Variants in GAB4 observed in about 807,000 individuals in gnomAD.
GAB4 encodes GRB2 associated binding protein family member 4, also known as GRB2-associated-binding protein 4.
A neutral mutation model predicts 51.3 loss-of-function variants in GAB4; 26 were observed. The observed-to-expected ratio is 0.51, with a 90% CI of 0.37 to 0.70. The LOEUF is 0.70. Ranked by LOEUF, GAB4 falls within the 30% of genes least tolerant of loss-of-function variation. The pLI is 0.00. For synonymous variants in GAB4, 329 were observed against 291.2 expected (o/e 1.13, Z -1.32); for missense variants, 759 against 734.6 (o/e 1.03, Z -0.38).
At position 16,991,859 on chromosome 22, in the gene GAB4, G is replaced by T. The variant is rs1205473561; in HGVS notation, c.478+14C>A. ...TCAGCCCCTCCTGAGACAGGGCTGT[G>T]TGTGCTCCCATACCTGTGCTTTCCT... On this transcript the variant is annotated intron_variant, in intron 2 of 9. Coordinates refer to ENST00000400588, the MANE Select transcript of GAB4 (RefSeq NM_001037814.1). 6.2e-7 allele frequency: 1 copy of T among 1,600,288 alleles called. No individual in the cohort carries two copies. Among genetic ancestry groups the T allele is most frequent in the Admixed American group, 1.7e-5 (1 of 59,692 alleles).
intron 1 of GAB4, among the ~76,000 whole-genome samples, chr22:17,004,612 C>A (rs1469453217): frequency 1.3e-5 from 2 of 151,696 alleles, no homozygotes; most frequent in Non-Finnish European, 2.9e-5. Flanking sequence ...AAAGGCCTTC[C>A]ATAAAATTCA....
At chr22:16,982,251 C>A (rs2060832752) in intron 3 of GAB4, among the ~76,000 whole-genome samples, 1 of 152,100 alleles carries the variant, frequency 6.6e-6, no homozygotes, top group Non-Finnish European at 1.5e-5. Flanking sequence ...TCCTTGTTTG[C>A]AGACAATATA....
intron 2 of GAB4, among the ~76,000 whole-genome samples, chr22:16,989,025 G>C (rs1027052561): frequency 9.8e-5 from 15 of 152,324 alleles, no homozygotes; most frequent in African/African-American, 3.6e-4. Flanking sequence ...TTACATGCGT[G>C]ATCCCATCAT....
chr22:16,979,574 G>A (rs185160683), intron 3 of GAB4, among the ~76,000 whole-genome samples: 5 of 152,234 alleles, frequency 3.3e-5, no homozygotes, highest in Admixed American at 1.3e-4. Context: ...AATCAATATC[G>A]TGAAAATGGC....
intron 1 of GAB4, among the ~76,000 whole-genome samples, chr22:17,002,426 A>G (rs1403091409): frequency 6.6e-6 from 1 of 152,234 alleles, no homozygotes. Context: ...CTGCCTTACA[A>G]GAGCTCCTGA....
At position 16,988,486 on chromosome 22, in the gene GAB4, G is replaced by A. The variant is rs148106362; in HGVS notation, c.479-319C>T. ...CAGGCAAGACAGCCTCTGCAGTGGT[G>A]AGTGCTGCCACCTCCCTCCTCCATG... is the stretch of plus-strand genomic sequence containing the variant. On this transcript the variant is annotated intron_variant, in intron 2 of 9. Transcript: ENST00000400588. Among the ~76,000 whole-genome samples the A allele has an allele frequency of 3.9e-4, 59 of 152,354 alleles. No homozygotes were observed. In the East Asian group the frequency reaches 8.7e-3, roughly 22 times the overall value.
At chr22:16,996,798 A>C (rs4342027) in intron 1 of GAB4, among the ~76,000 whole-genome samples, 138,716 of 138,718 alleles carry the variant, frequency 1, 69,357 homozygotes, top group Non-Finnish European at 1. Flanking sequence ...TCTCCTAATG[A>C]TATCCCTCCC....
chr22:17,007,883 C>T (rs1268028433), intron 1 of GAB4, 58 bp downstream of exon 1: 1 of 1,467,826 alleles, frequency 6.8e-7, no homozygotes, highest in Non-Finnish European at 9.1e-7. Flanking sequence ...CCACGCCCCT[C>T]CCGGAGTCCC....
At chr22:16,968,018 T>C (rs2060695448) in intron 5 of GAB4, among the ~76,000 whole-genome samples, 1 of 152,110 alleles carries the variant, frequency 6.6e-6, no homozygotes, top group Non-Finnish European at 1.5e-5. Flanking sequence ...AGCACCTGCT[T>C]AGAGCACCCA....
chr22:16,986,348 T>C (rs566508376), intron 3 of GAB4, among the ~76,000 whole-genome samples: 1 of 152,310 alleles, frequency 6.6e-6, no homozygotes, highest in South Asian at 2.1e-4. Context: ...AAGCACTGTG[T>C]CTTTTACAAG....
intron 9 of GAB4, among the ~76,000 whole-genome samples, chr22:16,963,491 A>C (rs1302663837): frequency 1.3e-5 from 2 of 152,034 alleles, no homozygotes; most frequent in African/African-American, 4.8e-5. Context: ...AGGTCTCCAC[A>C]CAGTCATCTG....
chr22:16,978,830 A>G (rs992640779), intron 3 of GAB4, among the ~76,000 whole-genome samples: 1 of 152,164 alleles, frequency 6.6e-6, no homozygotes, highest in African/African-American at 2.4e-5. Flanking sequence ...AAGCTTATCC[A>G]CCATGATCAA....
At chr22:16,991,129 C>CA (rs2060910050) in intron 2 of GAB4, among the ~76,000 whole-genome samples, 1 of 151,966 alleles carries the variant, frequency 6.6e-6, no homozygotes, top group Non-Finnish European at 1.5e-5. Context: ...TTTATCCTCC[C>CA]AAAAAAAGTG....
At chr22:17,001,273 C>T (rs1259194388) in intron 1 of GAB4, among the ~76,000 whole-genome samples, 2 of 152,212 alleles carry the variant, frequency 1.3e-5, no homozygotes, top group African/African-American at 4.8e-5. Flanking sequence ...CTTTCAGGTA[C>T]ACCAATCAGA....
At chr22:16,974,144 A>T (rs1167986610) in intron 3 of GAB4, among the ~76,000 whole-genome samples, 1 of 152,110 alleles carries the variant, frequency 6.6e-6, no homozygotes, top group Non-Finnish European at 1.5e-5. Context: ...AACTCTGAGG[A>T]CTCCATTACT....
At position 16,970,184 on chromosome 22, in the gene GAB4, G is replaced by C. The variant is rs758767654; in HGVS notation, c.696C>G (p.Ser232Arg). 1 of 1,614,108 alleles carries C rather than the reference G, an allele frequency of 6.2e-7. No homozygotes were observed. The highest frequency in any genetic ancestry group is 2.2e-5 in the East Asian group (1 of 44,872). ...SQRAEHARSA[S>R]FSQGSEAPFI... ...ATGGGGCCTCAGAACCCTGGGAGAA[G>C]CTGGCACTCCTAAGAGAGAGAAAGA... The change falls in exon 4 of 10, where the codon AGC (serine) becomes AGG (arginine). Residue 232 changes from serine (S) to arginine (R), a missense_variant. By Grantham distance (110) the Ser-to-Arg change is moderately radical. Coordinates refer to ENST00000400588, the MANE Select transcript of GAB4 (RefSeq NM_001037814.1).
chr22:16,964,933 A>AG, intron 7 of GAB4, 71 bp from the exon 8 acceptor site: 1 of 1,186,844 alleles, frequency 8.4e-7, no homozygotes, highest in Non-Finnish European at 1.2e-6. Context: ...TCCAGCCTCC[A>AG]GCTGGGCCCT....
chr22:16,963,551 G>A (rs1239789432), intron 9 of GAB4, among the ~76,000 whole-genome samples, 174 bp downstream of exon 9: 1 of 152,118 alleles, frequency 6.6e-6, no homozygotes, highest in Non-Finnish European at 1.5e-5. Flanking sequence ...CGCTGAGAGG[G>A]AAGGAACAGG....
chr22:16,966,671 G>A, intron 5 of GAB4: 1 of 336,884 alleles, frequency 3.0e-6, no homozygotes, highest in Non-Finnish European at 5.5e-6. Context: ...GGAGGTTAGG[G>A]AGTAAGAGGA....
Sources: gnomAD v4.1 joint callset for allele counts (sites outside exome capture counted in the v4.1 genomes callset) on GRCh38, gnomAD v4.1.1 for gene constraint, MANE v1.5 for transcripts, NCBI Gene and HGNC (gene_info 2026-07-23, HGNC 2026-07-21) for gene names.